The following FBXO30 variants were observed in gnomAD, a reference collection of about 807,000 sequenced individuals.
The protein encoded by FBXO30 is F-box protein 30, also known as F-box only protein 30.
FBXO30 carries 21 observed loss-of-function variants against 58.1 expected under a neutral mutation model. That is an observed-to-expected ratio of 0.36 (90% CI 0.26 to 0.52). The LOEUF is 0.52. Among genes scored for constraint, FBXO30 ranks in the 20% least tolerant of loss-of-function variants. The pLI is 0.93. For synonymous variants in FBXO30, 309 were observed against 312.4 expected, an observed-to-expected ratio of 0.99 and a Z score of 0.11; for missense variants, 744 against 897.3, an observed-to-expected ratio of 0.83 and a Z score of 2.18.
Position 145,799,338 on chromosome 6 carries a change from A to C in FBXO30, c.*768T>G, listed in dbSNP as rs577424593. 17 of 152,400 alleles carry C rather than the reference A, an allele frequency of 1.1e-4. No homozygotes were observed. Among genetic ancestry groups the C allele is most frequent in the Non-Finnish European group, 2.2e-4 (15 of 67,986 alleles). The allele number at this position is 152,400 out of a possible 1,614,324, so 9.4% of individuals were successfully genotyped here. The stretch of plus-strand genomic sequence containing the variant: ...TCTTTTAAAACATTAGATAACTAGC[A>C]AATATATAATACCAGGAGCAGTTTC... On this transcript the variant is annotated 3_prime_UTR_variant, in exon 3 of 3. Transcript: ENST00000237281.
chr6:145,806,025 T>G lies in FBXO30; in HGVS notation c.381A>C (p.Gln127His). 6.2e-7 allele frequency: 1 copy of G among 1,614,090 alleles called. No individual in the cohort carries two copies. The highest frequency in any genetic ancestry group is 1.7e-5 in the Admixed American group (1 of 59,982). Reference protein sequence around the residue: ...VAQLDMALALQDQRMLLESLK... With the variant: ...VAQLDMALALHDQRMLLESLK... ...GGGATTCTAAGAGCATCCTTTGGTC[T>G]TGAAGAGCCAAGGCCATATCCAATT... The change falls in exon 2 of 3, where the codon CAA (glutamine) becomes CAC (histidine). Residue 127 changes from glutamine (Q) to histidine (H), a missense_variant. Around this residue, in one of 3 missense-constraint regions of FBXO30, gnomAD observed 135 missense variants for 201.6 expected, o/e 0.67. Coordinates refer to ENST00000237281, the MANE Select transcript of FBXO30 (RefSeq NM_032145.5).
At position 145,795,805 on chromosome 6, in the gene FBXO30, G is replaced by T. The variant is rs1188276845; in HGVS notation, c.*4301C>A. ...TCAAGGTGTACTGGCCAATTATGAA[G>T]ATTATATATGTCAAATAAACATGTA... On this transcript the variant is annotated 3_prime_UTR_variant, in exon 3 of 3. Transcript: ENST00000237281. 6.6e-6 allele frequency: 1 copy of T among 151,616 alleles called. No individual in the cohort carries two copies. Among genetic ancestry groups the T allele is most frequent in the African/African-American group, 2.4e-5 (1 of 41,320 alleles). The allele number at this position is 151,616 out of a possible 1,614,324, so 9.4% of individuals were successfully genotyped here.
chr6:145,806,662 A>C (rs1479351964), intron 1 of FBXO30, among the ~76,000 whole-genome samples: 1 of 152,210 alleles, frequency 6.6e-6, no homozygotes, highest in Non-Finnish European at 1.5e-5. Context: ...ATTTTTATAT[A>C]CTATATAACA....
Position 145,805,713 on chromosome 6 carries a change from T to C in FBXO30, c.693A>G (p.Gln231=), listed in dbSNP as rs149566037. 3.1e-6 allele frequency: 5 copies of C among 1,613,974 alleles called. No individual in the cohort carries two copies. The African/African-American group carries it at 5.3e-5, about 17-fold the overall frequency. ...QQNARESLED[Q]NLKDQDHLYE... is the part of the protein sequence containing the mutation. ...AAAGATGATCTTGGTCTTTCAAGTT[T>C]TGATCCTCTAAGCTTTCTCTCGCAT... Residue 231 remains glutamine (Q), a synonymous_variant, in exon 2 of 3, where the codon CAA becomes CAG. Coordinates refer to ENST00000237281, the MANE Select transcript of FBXO30 (RefSeq NM_032145.5).
At chr6:145,807,421 A>G (rs1778207051) in intron 1 of FBXO30, among the ~76,000 whole-genome samples, 1 of 152,178 alleles carries the variant, frequency 6.6e-6, no homozygotes, top group South Asian at 2.1e-4. Context: ...AAATACAGAA[A>G]AGCATGAATT....
intron 1 of FBXO30, among the ~76,000 whole-genome samples, chr6:145,807,297 A>G (rs1778203212): frequency 6.6e-6 from 1 of 152,250 alleles, no homozygotes; most frequent in African/African-American, 2.4e-5. Flanking sequence ...ATAATAATCA[A>G]TATGAGTAGG....
chr6:145,800,055 A>G lies in FBXO30; in HGVS notation c.*51T>C. 2 of 1,367,940 alleles carry G rather than the reference A, an allele frequency of 1.5e-6. No individual in the cohort carries two copies. Among genetic ancestry groups the G allele is most frequent in the Non-Finnish European group, 2.1e-6 (2 of 971,198 alleles). The allele number at this position is 1,367,940 out of a possible 1,614,324, so 84.7% of individuals were successfully genotyped here. ...ACATTAATAAAGTTTCACATATTAC[A>G]AAGAAATTATACTAGGTGCTTGCAT... is the stretch of plus-strand genomic sequence containing the variant. On this transcript the variant is annotated 3_prime_UTR_variant, in exon 3 of 3. Coordinates refer to ENST00000237281, the MANE Select transcript of FBXO30 (RefSeq NM_032145.5).
chr6:145,805,109 A>G lies in FBXO30; in HGVS notation c.1297T>C (p.Cys433Arg), dbSNP rs377254337. Reference sequence around the variant, plus strand: ...CTCCCTCCTGGAGAATCTCCTAGACAAAAAAGCAATGCTGCTGTGATCAGA... The same window carrying G: ...CTCCCTCCTGGAGAATCTCCTAGACGAAAAAGCAATGCTGCTGTGATCAGA... ...IDLITAALLF[C>R]LGDSPGGRGI... The change falls in exon 2 of 3, where the codon TGT becomes CGT. Residue 433 changes from cysteine to arginine, a missense_variant. Physicochemically the swap from Cys to Arg is radical, Grantham distance 180 (BLOSUM62 -3). Transcript: ENST00000237281. The G allele has an allele frequency of 6.2e-7, 1 of 1,613,962 alleles. No homozygotes were observed. The highest frequency in any genetic ancestry group is 1.3e-5 in the African/African-American group (1 of 74,930).
Position 145,806,134 on chromosome 6 carries a change from G to T in FBXO30, c.272C>A (p.Thr91Asn). 6.2e-7 allele frequency: 1 copy of T among 1,614,038 alleles called. No homozygotes were observed. The highest frequency in any genetic ancestry group is 8.5e-7 in the Non-Finnish European group (1 of 1,179,998). Residue 91 changes from threonine to asparagine, a missense_variant, in exon 2 of 3, where the codon ACT (threonine) becomes AAT (asparagine). Coordinates refer to ENST00000237281, the MANE Select transcript of FBXO30 (RefSeq NM_032145.5). ...EMCPASVVCC[T>N]MEWNRWPVSY... ...AACTGGCCATCGATTCCATTCCATA[G>T]TACAGCACACCACACTTGCAGGACA...
intron 2 of FBXO30, among the ~76,000 whole-genome samples, chr6:145,800,677 G>T (rs1173206559): frequency 1.3e-5 from 2 of 151,908 alleles, no homozygotes; most frequent in Non-Finnish European, 2.9e-5. Flanking sequence ...TCTCCAATTG[G>T]CTATCTAGAA....
At position 145,799,980 on chromosome 6, in the gene FBXO30, A is replaced by C; in HGVS notation, c.*126T>G. The C allele has an allele frequency of 1.4e-6, 1 of 721,404 alleles. No individual in the cohort carries two copies. The allele number at this position is 721,404 out of a possible 1,614,324, so 44.7% of individuals were successfully genotyped here. The stretch of plus-strand genomic sequence containing the variant: ...CTTTATAAAAATAGATGTCACTTCA[A>C]AACATTATATACACAGTGACAATAA... On this transcript the variant is annotated 3_prime_UTR_variant, in exon 3 of 3. Transcript: ENST00000237281.
Position 145,796,711 on chromosome 6 carries a change from G to A in FBXO30, c.*3395C>T, listed in dbSNP as rs576480852. ...ACCCCATGTCTTTTCAGGTTGGGAT[G>A]CAAAACATGAAGAAATCTGTTTTGC... On this transcript the variant is annotated 3_prime_UTR_variant, in exon 3 of 3. Transcript: ENST00000237281. 7 of 152,058 alleles carry A rather than the reference G, an allele frequency of 4.6e-5. No individual in the cohort carries two copies. The East Asian group carries it at 1.3e-3, about 29-fold the overall frequency. The allele number at this position is 152,058 out of a possible 1,614,324, so 9.4% of individuals were successfully genotyped here. A position where few individuals can be genotyped will look rare whatever the true frequency, so the allele number is the denominator to read the frequency against.
chr6:145,813,322 A>T (rs1399543972), intron 1 of FBXO30, among the ~76,000 whole-genome samples: 4 of 139,838 alleles, frequency 2.9e-5, no homozygotes, highest in African/African-American at 2.6e-5. Context: ...TCCAGAATTA[A>T]AAAAAAAAAA....
rs1777854522 is a variant in FBXO30 at position 145,795,597 on chromosome 6, TTATTA to T, written c.*4504_*4508del. The T allele has an allele frequency of 6.6e-6, 1 of 151,976 alleles. No homozygotes were observed. The highest frequency in any genetic ancestry group is 1.5e-5 in the Non-Finnish European group (1 of 67,870). The allele number at this position is 151,976 out of a possible 1,614,324, so 9.4% of individuals were successfully genotyped here. ...AAAAGGACTTTGCATCAATGAATTT[TTATTA>T]TATTTCTATAGAGCATGTTCATGAA... is the stretch of plus-strand genomic sequence containing the variant. On this transcript the variant is annotated 3_prime_UTR_variant, in exon 3 of 3. Coordinates refer to ENST00000237281, the MANE Select transcript of FBXO30 (RefSeq NM_032145.5).
intron 1 of FBXO30, among the ~76,000 whole-genome samples, chr6:145,806,956 CCTT>C (rs1396988022): frequency 1.3e-5 from 2 of 152,102 alleles, no homozygotes; most frequent in African/African-American, 4.8e-5. Context: ...ATTGATCTCT[CCTT>C]CTATATATGC....
chr6:145,814,458 T>C (rs1778439328), intron 1 of FBXO30, 145 bp downstream of exon 1: 1 of 151,886 alleles, frequency 6.6e-6, no homozygotes, highest in Non-Finnish European at 1.5e-5. Context: ...GCCTTTCCTC[T>C]GCTCCAGGCC....
Position 145,797,731 on chromosome 6 carries a change from A to C in FBXO30, c.*2375T>G, listed in dbSNP as rs1047256929. 3.3e-5 allele frequency: 5 copies of C among 152,162 alleles called. No individual in the cohort carries two copies. Among genetic ancestry groups the C allele is most frequent in the Admixed American group, 6.6e-5 (1 of 15,250 alleles). The allele number at this position is 152,162 out of a possible 1,614,324, so 9.4% of individuals were successfully genotyped here. A position where few individuals can be genotyped will look rare whatever the true frequency, so the allele number is the denominator to read the frequency against. On this transcript the variant is annotated 3_prime_UTR_variant, in exon 3 of 3. Transcript: ENST00000237281. ...AAGATTAAGCTAACAGGCAGTATTG[A>C]GGAAGGAGGCAGAGGACAAAAGTGA...
At chr6:145,814,383 G>C (rs1352680850) in intron 1 of FBXO30, among the ~76,000 whole-genome samples, 2 of 152,042 alleles carry the variant, frequency 1.3e-5, no homozygotes, top group African/African-American at 4.8e-5. Context: ...GGACACGAGC[G>C]CGGCGGACGC....
Position 145,793,641 on chromosome 6 carries a change from A to G in FBXO30, c.*6465T>C, listed in dbSNP as rs917239028. 2 of 152,130 alleles carry G rather than the reference A, an allele frequency of 1.3e-5. No individual in the cohort carries two copies. The highest frequency in any genetic ancestry group is 4.8e-5 in the African/African-American group (2 of 41,456). 9.4% of individuals were successfully genotyped at this position (152,130 alleles called of 1,614,324 possible). A position where few individuals can be genotyped will look rare whatever the true frequency, so the allele number is the denominator to read the frequency against. On this transcript the variant is annotated 3_prime_UTR_variant, in exon 3 of 3. Coordinates refer to ENST00000237281, the MANE Select transcript of FBXO30 (RefSeq NM_032145.5). ...TTTCAAAGCATGGTTTTAAAAACAC[A>G]TCTTTAAAAAGCGTGATTGGGATGT...
Sources: gnomAD v4.1 joint callset for allele counts (sites outside exome capture counted in the v4.1 genomes callset) on GRCh38, gnomAD v4.1.1 for gene constraint, gnomAD v4.1.1 regional missense constraint, MANE v1.5 for transcripts, NCBI Gene and HGNC (gene_info 2026-07-23, HGNC 2026-07-21) for gene names.